The following SVOPL variants were observed in gnomAD, a reference collection of about 807,000 sequenced individuals.
The protein encoded by SVOPL is SVOP like.
Under a neutral mutation model 61.0 loss-of-function variants are expected in SVOPL, and 60 were observed. That is an observed-to-expected ratio of 0.98 (90% CI 0.80 to 1.22). SVOPL has a LOEUF of 1.22. Among genes scored for constraint, SVOPL ranks in the 50% most tolerant of loss-of-function variants. The pLI, the probability that SVOPL is intolerant of heterozygous loss-of-function variation, is 0.00. For synonymous variants in SVOPL, 279 were observed against 250.0 expected, an observed-to-expected ratio of 1.12 and a Z score of -1.09; for missense variants, 662 against 643.9, an observed-to-expected ratio of 1.03 and a Z score of -0.30.
At chr7:138,668,490 T>C (rs1004840767) in intron 4 of SVOPL, among the ~76,000 whole-genome samples, 1 of 152,124 alleles carries the variant, frequency 6.6e-6, no homozygotes, top group Non-Finnish European at 1.5e-5. Context: ...GATTTTTGCC[T>C]CAATATCTCA....
intron 1 of SVOPL, among the ~76,000 whole-genome samples, chr7:138,695,375 G>T (rs1381422808): frequency 6.6e-6 from 1 of 152,112 alleles, no homozygotes; most frequent in African/African-American, 2.4e-5. Flanking sequence ...CAGTGGGTGT[G>T]GTGGAGCCCA....
chr7:138,646,871 G>A (rs1801141496), intron 8 of SVOPL, among the ~76,000 whole-genome samples: 1 of 152,144 alleles, frequency 6.6e-6, no homozygotes, highest in Admixed American at 6.6e-5. Context: ...CCCACAGGAA[G>A]CAAGTGGCTT....
intron 9 of SVOPL, among the ~76,000 whole-genome samples, chr7:138,634,299 G>T (rs1800360000): frequency 6.6e-6 from 1 of 152,018 alleles, no homozygotes; most frequent in Non-Finnish European, 1.5e-5. Context: ...TTGAGGCCAG[G>T]ATTTGAGACC....
intron 15 of SVOPL, among the ~76,000 whole-genome samples, chr7:138,595,990 C>A (rs1311764312): frequency 1.3e-5 from 2 of 152,150 alleles, no homozygotes; most frequent in South Asian, 2.1e-4. Flanking sequence ...GAGTTCGAGA[C>A]CAGCCTGGCC....
chr7:138,684,480 G>T (rs1406951638), intron 1 of SVOPL, among the ~76,000 whole-genome samples: 2 of 152,150 alleles, frequency 1.3e-5, no homozygotes, highest in African/African-American at 4.8e-5. Flanking sequence ...ACAAATTGCC[G>T]ATAGGCAGCC....
intron 9 of SVOPL, among the ~76,000 whole-genome samples, chr7:138,639,315 G>A (rs984339636): frequency 2.0e-5 from 3 of 151,038 alleles, no homozygotes; most frequent in Non-Finnish European, 4.4e-5. Flanking sequence ...GGAGAAGTAA[G>A]TGGGTCCAAC....
At chr7:138,647,841 C>T (rs1200595573) in intron 8 of SVOPL, among the ~76,000 whole-genome samples, 1 of 90,882 alleles carries the variant, frequency 1.1e-5, no homozygotes, top group East Asian at 3.2e-4. Flanking sequence ...GAGTAAGACT[C>T]CGTTTCAAAA....
intron 1 of SVOPL, among the ~76,000 whole-genome samples, chr7:138,700,700 G>GGATGGATA (rs1803176456): frequency 6.7e-6 from 1 of 149,262 alleles, no homozygotes; most frequent in African/African-American, 2.5e-5. Context: ...ATGGATGGAT[G>GGATGGATA]GATGGATGGA....
chr7:138,622,270 GTATCTATCTATC>G lies in SVOPL; in HGVS notation c.1264-1147_1264-1136del, dbSNP rs1224085695. Among the ~76,000 whole-genome samples, 41 of 83,788 alleles carry G rather than the reference GTATCTATCTATC, an allele frequency of 4.9e-4. 2 individuals are homozygous for G. Among genetic ancestry groups the G allele is most frequent in the African/African-American group, 6.7e-4 (16 of 23,738 alleles). The allele number at this position is 83,788 out of a possible 152,430, so 55.0% of individuals were successfully genotyped here. On this transcript the variant is annotated intron_variant, in intron 13 of 15. Transcript: ENST00000674285. ...TCTATCTATGTATCTATCTATCTATGTATCTATCTATCTATCTATCTATCTATCTATCTATCT... is the reference window on the plus strand; with the variant it reads ...TCTATCTATGTATCTATCTATCTATGTATCTATCTATCTATCTATCTATCT...
At chr7:138,646,946 T>C (rs954665752) in intron 8 of SVOPL, among the ~76,000 whole-genome samples, 4 of 152,110 alleles carry the variant, frequency 2.6e-5, no homozygotes, top group Non-Finnish European at 5.9e-5. Flanking sequence ...GTGCACTGCA[T>C]AGAAGGCACT....
At chr7:138,659,066 C>T (rs1312771755) in intron 6 of SVOPL, among the ~76,000 whole-genome samples, 1 of 152,154 alleles carries the variant, frequency 6.6e-6, no homozygotes, top group Non-Finnish European at 1.5e-5. Context: ...GACACATTTA[C>T]AATCTATTTT....
chr7:138,597,294 A>G (rs1486206867), intron 14 of SVOPL: 12 of 1,182,952 alleles, frequency 1.0e-5, no homozygotes, highest in Middle Eastern at 2.3e-4. Context: ...AGACCTAGAA[A>G]CTATCTGGCT....
intron 1 of SVOPL, among the ~76,000 whole-genome samples, chr7:138,685,740 T>G (rs892063897): frequency 6.6e-6 from 1 of 151,660 alleles, no homozygotes; most frequent in Non-Finnish European, 1.5e-5. Context: ...GGTGCAGTGG[T>G]GGGCACCTGT....
At chr7:138,604,631 T>C (rs954778372) in intron 14 of SVOPL, among the ~76,000 whole-genome samples, 6 of 142,538 alleles carry the variant, frequency 4.2e-5, no homozygotes, top group Non-Finnish European at 7.5e-5. Context: ...TGAGCCAAAA[T>C]TGTGCCATTA....
In SVOPL at chr7:138,596,967, T is replaced by G. The variant is rs1056515773; in HGVS notation, c.1354-437A>C. On this transcript the variant is annotated intron_variant, in intron 14 of 15. Coordinates refer to ENST00000674285, the MANE Select transcript of SVOPL (RefSeq NM_001139456.2). ...GCATGAAACAGGTGAAAGTTTTTTT[T>G]GGAAGAGGTGTTATCTCAGAGTCTC... is the stretch of plus-strand genomic sequence containing the variant. 8.9e-6 allele frequency: 10 copies of G among 1,121,188 alleles called. No individual in the cohort carries two copies. The African/African-American group carries it at 1.6e-4, about 18-fold the overall frequency. The allele number at this position is 1,121,188 out of a possible 1,614,324, so 69.5% of individuals were successfully genotyped here. A position where few individuals can be genotyped will look rare whatever the true frequency, so the allele number is the denominator to read the frequency against.
chr7:138,618,153 C>A (rs989063286), intron 14 of SVOPL, among the ~76,000 whole-genome samples: 9 of 152,126 alleles, frequency 5.9e-5, no homozygotes, highest in Admixed American at 4.6e-4. Flanking sequence ...GAAATTGATA[C>A]AACAATACTT....
rs1798997812 is a variant in SVOPL, at chr7:138,611,474, C to G, written c.1353+9572G>C. Among the ~76,000 whole-genome samples the G allele has an allele frequency of 2.0e-5, 3 of 152,330 alleles. No homozygotes were observed. In the South Asian group the frequency reaches 6.2e-4, roughly 32 times the overall value. On this transcript the variant is annotated intron_variant, in intron 14 of 15. Transcript: ENST00000674285. Reference sequence around the variant, plus strand: ...TTAACTAGTGCCCAGCTCTGTTGATCTTTGACAACGTACAGTTTCTCAATA... The same window carrying G: ...TTAACTAGTGCCCAGCTCTGTTGATGTTTGACAACGTACAGTTTCTCAATA...
chr7:138,649,448 C>T (rs1481222694), intron 7 of SVOPL, among the ~76,000 whole-genome samples: 1 of 151,972 alleles, frequency 6.6e-6, no homozygotes, highest in Admixed American at 6.6e-5. Context: ...CATGTGCCAC[C>T]ACGCCCAGCT....
At chr7:138,657,089 G>C (rs1801778605) in intron 6 of SVOPL, among the ~76,000 whole-genome samples, 1 of 151,394 alleles carries the variant, frequency 6.6e-6, no homozygotes, top group African/African-American at 2.4e-5. Context: ...GCCAAGGGAA[G>C]CACTGGCAAA....
Sources: allele counts gnomAD v4.1 joint callset (sites outside exome capture counted in the v4.1 genomes callset), GRCh38; gene constraint gnomAD v4.1.1; transcripts MANE v1.5; gene names NCBI Gene and HGNC (gene_info 2026-07-23, HGNC 2026-07-21).